Variants in DUSP15 observed in about 807,000 individuals in gnomAD.
DUSP15 encodes the protein dual specificity phosphatase 15.
In DUSP15, 23 loss-of-function variants were observed where a neutral mutation model predicts 26.3. The observed-to-expected ratio is 0.87, with a 90% CI of 0.63 to 1.24. The LOEUF is 1.24. Ranked by LOEUF, DUSP15 falls within the 50% of genes most tolerant of loss-of-function variation. The probability of loss-of-function intolerance (pLI) is 0.00; values close to 1 mark genes in which losing one functional copy is unlikely to be tolerated. For missense variants in DUSP15, 364 were observed against 320.6 expected, an observed-to-expected ratio of 1.14 and a Z score of -1.03; for synonymous variants, 143 against 135.5, an observed-to-expected ratio of 1.06 and a Z score of -0.39.
At chr20:31,851,840 C>T (rs6060997) in intron 6 of DUSP15, among the ~76,000 whole-genome samples, 21 of 152,206 alleles carry the variant, frequency 1.4e-4, no homozygotes, top group African/African-American at 2.4e-4. Context: ...CTTCAGGGGG[C>T]GCCCAGGCCC....
intron 8 of DUSP15, chr20:31,848,977 C>T: frequency 8.1e-7 from 1 of 1,228,624 alleles, no homozygotes; most frequent in Non-Finnish European, 1.2e-6. Context: ...CCACTGGTGC[C>T]CATCTTGTGC....
downstream of DUSP15, chr20:31,847,540 TTAA>T (rs755803460): frequency 6.6e-6 from 1 of 152,228 alleles, no homozygotes; most frequent in Non-Finnish European, 1.5e-5. Flanking sequence ...AGGTGGCTTA[TTAA>T]TGTATCATTA....
chr20:31,852,119 C>A (rs1166445029), intron 6 of DUSP15, among the ~76,000 whole-genome samples: 2 of 151,724 alleles, frequency 1.3e-5, no homozygotes, highest in Non-Finnish European at 2.9e-5. Flanking sequence ...GTGATTCTCC[C>A]GCCTCAGCCT....
intron 4 of DUSP15, 43 bp downstream of exon 4, chr20:31,864,910 G>T: frequency 4.4e-6 from 7 of 1,596,398 alleles, no homozygotes; most frequent in Non-Finnish European, 6.0e-6. Flanking sequence ...CACCACAGAA[G>T]GCAGCTGTCT....
At chr20:31,848,949 G>C in intron 8 of DUSP15, 1 of 1,518,004 alleles carries the variant, frequency 6.6e-7, no homozygotes, top group East Asian at 2.3e-5. Flanking sequence ...TATAGGGACT[G>C]GGCAAGAACT....
downstream of DUSP15, among the ~76,000 whole-genome samples, chr20:31,846,475 A>AGAGAGAGAGAGAGAGAGAGG (rs71274237): frequency 2.3e-4 from 18 of 79,674 alleles, 1 homozygote; most frequent in East Asian, 1.4e-3. Context: ...AGAGAGAGAG[A>AGAGAGAGAGAGAGAGAGAGG]GGAGAGAGAG....
intron 5 of DUSP15, among the ~76,000 whole-genome samples, chr20:31,863,073 G>T (rs903955411): frequency 3.0e-5 from 3 of 99,626 alleles, no homozygotes; most frequent in African/African-American, 1.4e-4. Context: ...TTACAGTATG[G>T]CTGGGGGGGG....
In DUSP15 at chr20:31,870,527, T is replaced by C. The variant is rs2062901477; in HGVS notation, c.-190A>G. Reference sequence around the variant, plus strand: ...GCCGACCCCCGGCCCGGGAGGGAAATGGTGGTGGAGCCGCCGCTGCCACCG... The same window carrying C: ...GCCGACCCCCGGCCCGGGAGGGAAACGGTGGTGGAGCCGCCGCTGCCACCG... On this transcript the variant is annotated 5_prime_UTR_variant, in exon 1 of 7. Coordinates refer to ENST00000339738, the MANE Select transcript of DUSP15 (RefSeq NM_080611.5). The surrounding 1 kb of genome is among the most constrained non-coding windows in gnomAD (Gnocchi z 6.6). 3.5e-6 allele frequency: 5 copies of C among 1,444,002 alleles called. No homozygotes were observed. Among genetic ancestry groups the C allele is most frequent in the African/African-American group, 1.5e-5 (1 of 68,210 alleles). 89.4% of individuals were successfully genotyped at this position (1,444,002 alleles called of 1,614,324 possible).
intron 6 of DUSP15, among the ~76,000 whole-genome samples, chr20:31,853,340 A>C (rs186766234): frequency 1.3e-5 from 2 of 152,296 alleles, no homozygotes; most frequent in African/African-American, 4.8e-5. Flanking sequence ...CTATCTGCCG[A>C]GCCATAGAAT....
intron 7 of DUSP15, chr20:31,849,891 G>T: frequency 6.8e-7 from 1 of 1,479,122 alleles, no homozygotes; most frequent in Non-Finnish European, 8.9e-7. Context: ...GGCGAGAGAG[G>T]GTGCACGGGC....
At chr20:31,848,847 C>T (rs1458666639) in exon 9 of DUSP15, 1 of 1,612,230 alleles carries the variant, frequency 6.2e-7, no homozygotes, top group East Asian at 2.2e-5. Context: ...TGTGTGGGGC[C>T]CGGGTCCTCC....
chr20:31,846,265 CACACAGAA>C (rs1301722753), downstream of DUSP15, among the ~76,000 whole-genome samples: 1 of 137,534 alleles, frequency 7.3e-6, no homozygotes, highest in Non-Finnish European at 1.5e-5. Flanking sequence ...GAGACATACA[CACACAGAA>C]ACACAGAGAC....
chr20:31,863,308 G>A (rs967766055), intron 5 of DUSP15, among the ~76,000 whole-genome samples: 4 of 152,170 alleles, frequency 2.6e-5, no homozygotes, highest in East Asian at 1.9e-4. Flanking sequence ...CATAAGCCTC[G>A]TAGATTTGGA....
At chr20:31,864,467 C>T (rs1004153330) in intron 4 of DUSP15, 152 of 1,038,040 alleles carry the variant, frequency 1.5e-4, no homozygotes, top group African/African-American at 1.9e-4. Flanking sequence ...GTTTTCTGAG[C>T]TCAGTTATAC....
chr20:31,865,431 T>C (rs1383116926), intron 3 of DUSP15, among the ~76,000 whole-genome samples: 3 of 152,258 alleles, frequency 2.0e-5, no homozygotes, highest in Admixed American at 2.0e-4. Flanking sequence ...ATCATGGTTA[T>C]AAAATGATGT....
exon 10 of DUSP15, chr20:31,848,492 G>A (rs1380479760): frequency 4.3e-6 from 7 of 1,611,758 alleles, no homozygotes; most frequent in African/African-American, 1.3e-5. Flanking sequence ...GCCAGGGGTT[G>A]AGGACCCATC....
At chr20:31,848,691 C>G (rs747314078) in intron 9 of DUSP15, 34 of 1,465,604 alleles carry the variant, frequency 2.3e-5, no homozygotes, top group Non-Finnish European at 3.0e-5. Context: ...GTCCTACAGA[C>G]CCGAGGGTGC....
chr20:31,866,126 TAGAGA>T (rs534985411), intron 3 of DUSP15, among the ~76,000 whole-genome samples: 92 of 152,292 alleles, frequency 6.0e-4, no homozygotes, highest in African/African-American at 2.0e-3. Flanking sequence ...AACTGAGGCC[TAGAGA>T]AGGGAAGGAC....
chr20:31,869,482 C>G, intron 2 of DUSP15, 82 bp downstream of exon 2: 1 of 1,539,730 alleles, frequency 6.5e-7, no homozygotes, highest in East Asian at 2.4e-5. Context: ...TCCTGAGATG[C>G]ATGGGCCAGG....
Sources: gnomAD v4.1 joint callset for allele counts (sites outside exome capture counted in the v4.1 genomes callset) on GRCh38, gnomAD v4.1.1 for gene constraint, Gnocchi (gnomAD v3.1) non-coding constraint, MANE v1.5 for transcripts, NCBI Gene and HGNC (gene_info 2026-07-23, HGNC 2026-07-21) for gene names.